Variants in PRKCA observed in about 807,000 individuals in gnomAD.
PRKCA encodes the protein protein kinase C alpha type.
PRKCA carries 27 observed loss-of-function variants against 87.0 expected under a neutral mutation model. The ratio of observed to expected loss-of-function variants is 0.31; its 90% CI spans 0.23 to 0.43. The LOEUF is 0.43. Among genes scored for constraint, PRKCA ranks in the 20% least tolerant of loss-of-function variants. The pLI, the probability that PRKCA is intolerant of heterozygous loss-of-function variation, is 1.00. For missense variants in PRKCA, 518 were observed against 852.3 expected (o/e 0.61, Z 4.88); for synonymous variants, 329 against 311.1 (o/e 1.06, Z -0.61).
intron 2 of PRKCA, among the ~76,000 whole-genome samples, chr17:66,450,776 G>A (rs528925959): frequency 2.8e-4 from 23 of 81,252 alleles, no homozygotes; most frequent in South Asian, 1.1e-3. Flanking sequence ...TTTTGGTTAC[G>A]CAATCATGGG....
At chr17:66,506,275 G>A (rs972924610) in intron 3 of PRKCA, among the ~76,000 whole-genome samples, 9 of 150,832 alleles carry the variant, frequency 6.0e-5, no homozygotes, top group African/African-American at 1.9e-4. Context: ...CAGTCTGGGC[G>A]ACACGGTGAG....
intron 2 of PRKCA, among the ~76,000 whole-genome samples, chr17:66,456,924 G>A (rs1183632049): frequency 1.3e-5 from 2 of 152,180 alleles, no homozygotes; most frequent in East Asian, 3.8e-4. Flanking sequence ...CTGACTTGGT[G>A]ATTCTAGGTA....
At chr17:66,518,923 T>A (rs1364902170) in intron 3 of PRKCA, among the ~76,000 whole-genome samples, 2 of 152,190 alleles carry the variant, frequency 1.3e-5, no homozygotes, top group African/African-American at 2.4e-5. Flanking sequence ...CAGGTCATTA[T>A]CATCAACACA....
intron 2 of PRKCA, among the ~76,000 whole-genome samples, chr17:66,357,799 C>T (rs1477411133): frequency 6.6e-6 from 1 of 152,052 alleles, no homozygotes; most frequent in Admixed American, 6.6e-5. Flanking sequence ...TATTAGAAGT[C>T]CCACTGAATG....
chr17:66,529,071 C>T (rs1336756740), intron 3 of PRKCA, among the ~76,000 whole-genome samples: 5 of 152,172 alleles, frequency 3.3e-5, no homozygotes, highest in African/African-American at 9.7e-5. Context: ...TTTTAAGCCT[C>T]TCTCTGGTTT....
chr17:66,630,104 T>C (rs550002662), intron 3 of PRKCA, among the ~76,000 whole-genome samples: 12 of 152,288 alleles, frequency 7.9e-5, no homozygotes, highest in African/African-American at 2.9e-4. Flanking sequence ...AAGATTACTA[T>C]TCTCAGAGTT....
At chr17:66,444,921 A>G (rs528142309) in intron 2 of PRKCA, among the ~76,000 whole-genome samples, 12 of 152,248 alleles carry the variant, frequency 7.9e-5, no homozygotes, top group Admixed American at 7.2e-4. Flanking sequence ...ACCTTTCCCC[A>G]CTAATCAGAA....
intron 8 of PRKCA, among the ~76,000 whole-genome samples, chr17:66,701,216 A>G (rs1973053788): frequency 6.6e-6 from 1 of 152,170 alleles, no homozygotes; most frequent in Non-Finnish European, 1.5e-5. Context: ...TCTTGAATAA[A>G]AGGTGTTGGG....
intron 14 of PRKCA, among the ~76,000 whole-genome samples, chr17:66,780,153 T>A (rs1189168827): frequency 6.6e-6 from 1 of 152,084 alleles, no homozygotes; most frequent in Non-Finnish European, 1.5e-5. Context: ...ATTATGGGGA[T>A]GTGATTCAGA....
Position 66,797,055 on chromosome 17 carries a change from C to G in PRKCA, c.1855-6818C>G, listed in dbSNP as rs1270162281. 7 of 906,918 alleles carry G rather than the reference C, an allele frequency of 7.7e-6. No individual in the cohort carries two copies. The South Asian group carries it at 2.0e-4, about 26-fold the overall frequency. The allele number at this position is 906,918 out of a possible 1,614,324, so 56.2% of individuals were successfully genotyped here. A position where few individuals can be genotyped will look rare whatever the true frequency, so the allele number is the denominator to read the frequency against. ...TTTCCCATAATTCCCATAGCTGAGACCATGGGGTTGTATTCTACATGACTG... is the reference window on the plus strand; with the variant it reads ...TTTCCCATAATTCCCATAGCTGAGAGCATGGGGTTGTATTCTACATGACTG... On this transcript the variant is annotated intron_variant, in intron 16 of 16. Coordinates refer to ENST00000413366, the MANE Select transcript of PRKCA (RefSeq NM_002737.3).
chr17:66,753,605 GC>G (rs1419353894), intron 13 of PRKCA, among the ~76,000 whole-genome samples: 2 of 152,076 alleles, frequency 1.3e-5, no homozygotes, highest in Non-Finnish European at 2.9e-5. Context: ...GCATCCCCAC[GC>G]CCCCACCCCA....
At chr17:66,361,245 C>G (rs115834285) in intron 2 of PRKCA, among the ~76,000 whole-genome samples, 1 of 151,872 alleles carries the variant, frequency 6.6e-6, no homozygotes, top group African/African-American at 2.4e-5. Context: ...CTTTTTCGGT[C>G]TTGACACTGC....
At chr17:66,572,392 G>A (rs139562641) in intron 3 of PRKCA, among the ~76,000 whole-genome samples, 5 of 152,182 alleles carry the variant, frequency 3.3e-5, no homozygotes, top group Non-Finnish European at 5.9e-5. Context: ...GCTTGAACCC[G>A]GGAGCAAGAG....
chr17:66,734,477 G>A (rs1973976278), intron 9 of PRKCA, among the ~76,000 whole-genome samples: 1 of 152,194 alleles, frequency 6.6e-6, no homozygotes. Context: ...TTGGGGTGCT[G>A]GTGGGAGTGT....
chr17:66,456,956 GCTT>G (rs1476702086), intron 2 of PRKCA, among the ~76,000 whole-genome samples: 1 of 152,174 alleles, frequency 6.6e-6, no homozygotes, highest in Non-Finnish European at 1.5e-5. Flanking sequence ...AGTGGCTGCT[GCTT>G]CTTCTGTACA....
At chr17:66,456,510 T>C (rs981637175) in intron 2 of PRKCA, among the ~76,000 whole-genome samples, 3 of 152,306 alleles carry the variant, frequency 2.0e-5, no homozygotes, top group Admixed American at 1.3e-4. Context: ...CCAGATGTGA[T>C]GCCCAGGTGT....
chr17:66,692,050 C>T (rs1273569074), intron 8 of PRKCA, among the ~76,000 whole-genome samples: 1 of 152,192 alleles, frequency 6.6e-6, no homozygotes, highest in Non-Finnish European at 1.5e-5. Flanking sequence ...GGCCGCAGGG[C>T]TGTTGCTGCT....
intron 3 of PRKCA, among the ~76,000 whole-genome samples, chr17:66,563,328 A>G (rs1262720177): frequency 6.6e-6 from 1 of 152,058 alleles, no homozygotes; most frequent in Non-Finnish European, 1.5e-5. Context: ...TCTGTGCTCC[A>G]TCTTGTTCTT....
intron 2 of PRKCA, among the ~76,000 whole-genome samples, chr17:66,371,684 G>A (rs1362276196): frequency 1.3e-5 from 2 of 152,144 alleles, no homozygotes; most frequent in African/African-American, 4.8e-5. Context: ...GGCATAAAGC[G>A]ACACTGTGAC....
Sources: gnomAD v4.1 joint callset for allele counts (sites outside exome capture counted in the v4.1 genomes callset) on GRCh38, gnomAD v4.1.1 for gene constraint, MANE v1.5 for transcripts, NCBI Gene and HGNC (gene_info 2026-07-23, HGNC 2026-07-21) for gene names.